The following ZNF385A variants were observed in gnomAD, a reference collection of about 807,000 sequenced individuals.
ZNF385A encodes zinc finger protein 385A.
A neutral mutation model predicts 32.1 loss-of-function variants in ZNF385A; 14 were observed. The ratio of observed to expected loss-of-function variants is 0.44; its 90% CI spans 0.29 to 0.68. The LOEUF is 0.68. Among genes scored for constraint, ZNF385A ranks in the 30% least tolerant of loss-of-function variants. The pLI is 0.14. For missense variants in ZNF385A, 406 were observed against 478.4 expected (o/e 0.85, Z 1.41); for synonymous variants, 197 against 202.7 (o/e 0.97, Z 0.24).
upstream of ZNF385A, chr12:54,384,851 G>T: frequency 8.6e-7 from 1 of 1,162,968 alleles, no homozygotes; most frequent in Non-Finnish European, 1.1e-6. Context: ...CCCAGTAAGA[G>T]CTCATACCTT....
chr12:54,370,049 G>C lies in ZNF385A; in HGVS notation c.*207C>G. On this transcript the variant is annotated 3_prime_UTR_variant, in exon 7 of 7. Coordinates refer to ENST00000394313, the MANE Select transcript of ZNF385A (RefSeq NM_015481.3). This position sits in a 1 kb window ranked among gnomAD's most constrained non-coding sequence, Gnocchi z 5.5. Reference sequence around the variant, plus strand: ...GGGGAGAGGGAAAGGCAGGGGGCGGGGTTCCCTGAGATCTGGGGTGTTCCC... The same window carrying C: ...GGGGAGAGGGAAAGGCAGGGGGCGGCGTTCCCTGAGATCTGGGGTGTTCCC... 9.2e-6 allele frequency: 4 copies of C among 433,178 alleles called. No homozygotes were observed. Among genetic ancestry groups the C allele is most frequent in the Non-Finnish European group, 1.6e-5 (4 of 245,936 alleles). The allele number at this position is 433,178 out of a possible 1,614,324, so 26.8% of individuals were successfully genotyped here.
intron 1 of ZNF385A, among the ~76,000 whole-genome samples, chr12:54,380,677 C>T (rs915832697): frequency 1.3e-5 from 2 of 152,190 alleles, no homozygotes; most frequent in African/African-American, 2.4e-5. Flanking sequence ...TAATTCTGCA[C>T]GTTCCCGAAG....
chr12:54,371,138 A>G lies in ZNF385A; in HGVS notation c.605-42T>C, dbSNP rs539706815. 9.1e-6 allele frequency: 14 copies of G among 1,543,430 alleles called. No individual in the cohort carries two copies. The African/African-American group carries it at 1.5e-4, about 17-fold the overall frequency. On this transcript the variant is annotated intron_variant, in intron 4 of 6. Transcript: ENST00000394313. ...GCAGGAGGTAAGGGGTGGAAGAAAA[A>G]TTATCCAGGCCTACTGGGCCTCAGA...
intron 1 of ZNF385A, among the ~76,000 whole-genome samples, chr12:54,390,641 T>C (rs1955612508): frequency 6.8e-6 from 1 of 147,474 alleles, no homozygotes; most frequent in African/African-American, 2.5e-5. Flanking sequence ...CCCCCTATTT[T>C]CCCCACCCCC....
At position 54,371,561 on chromosome 12, in the gene ZNF385A, T is replaced by C. The variant is rs1480941854; in HGVS notation, c.516A>G (p.Glu172=). Residue 172 remains glutamate, a synonymous_variant, in exon 4 of 7, where the codon GAA becomes GAG. Transcript: ENST00000394313. ...APASLPGGSK[E]EEEKAKRLLY... is the part of the protein sequence containing the mutation. ...GCAGCCGCTTGGCTTTCTCCTCCTC[T>C]TCCTTGCTACCCCCAGGCAAGGAAG... 1 of 1,613,616 alleles carries C rather than the reference T, an allele frequency of 6.2e-7. No homozygotes were observed. Among genetic ancestry groups the C allele is most frequent in the Non-Finnish European group, 8.5e-7 (1 of 1,179,844 alleles).
intron 1 of ZNF385A, among the ~76,000 whole-genome samples, chr12:54,380,440 G>A (rs983017862): frequency 1.4e-4 from 21 of 152,278 alleles, no homozygotes; most frequent in African/African-American, 5.1e-4. Context: ...TTAAACCTGG[G>A]CAGTCTGACT....
At chr12:54,380,182 TG>T (rs1408165432) in intron 1 of ZNF385A, among the ~76,000 whole-genome samples, 5 of 152,184 alleles carry the variant, frequency 3.3e-5, no homozygotes, top group Non-Finnish European at 7.4e-5. Context: ...GCCAGTCCAC[TG>T]GGAAAGAGAG....
At chr12:54,384,145 C>G (rs1019118831) in intron 1 of ZNF385A, among the ~76,000 whole-genome samples, 3 of 152,192 alleles carry the variant, frequency 2.0e-5, no homozygotes, top group Non-Finnish European at 4.4e-5. Flanking sequence ...CATTACTTCT[C>G]TAGATGGTAG....
Position 54,373,970 on chromosome 12 carries a change from C to T in ZNF385A, c.361+3G>A, listed in dbSNP as rs199558604. 5.3e-6 allele frequency: 8 copies of T among 1,514,570 alleles called. No individual in the cohort carries two copies. In the South Asian group the frequency reaches 1.0e-4, roughly 19 times the overall value. The allele number at this position is 1,514,570 out of a possible 1,614,324, so 93.8% of individuals were successfully genotyped here. ...TGAAGAATATGCGGGGATTCAGACA[C>T]ACCTGGACGGGGTGCTACACCATCC... is the stretch of plus-strand genomic sequence containing the variant. On this transcript the variant is annotated splice_donor_region_variant and intron_variant, in intron 3 of 6. Coordinates refer to ENST00000394313, the MANE Select transcript of ZNF385A (RefSeq NM_015481.3).
At chr12:54,388,167 C>T (rs1955545020), upstream of ZNF385A, among the ~76,000 whole-genome samples, 1 of 151,966 alleles carries the variant, frequency 6.6e-6, no homozygotes, top group African/African-American at 2.4e-5. Flanking sequence ...GAGTAATTAC[C>T]TCCAGCAGAT....
At chr12:54,385,127 AG>A (rs1216255957), upstream of ZNF385A, 3 of 156,660 alleles carry the variant, frequency 1.9e-5, no homozygotes, top group African/African-American at 7.2e-5. Flanking sequence ...CTGTGGGGGT[AG>A]GTAGTGGGTT....
At position 54,371,681 on chromosome 12, in the gene ZNF385A, T is replaced by A. The variant is rs1954560701; in HGVS notation, c.396A>T (p.Gly132=). The change falls in exon 4 of 7, where the codon GGA becomes GGT. Residue 132 remains glycine (G), a synonymous_variant. Transcript: ENST00000394313. The part of the protein sequence containing the change: ...SMENGLGPAP[G]SPEKQPGSPS... ...GGGAGCCAGGCTGTTTCTCTGGGGATCCTGGGGCTGGCCCCAGTCCATTCT... is the reference window on the plus strand; with the variant it reads ...GGGAGCCAGGCTGTTTCTCTGGGGAACCTGGGGCTGGCCCCAGTCCATTCT... The A allele has an allele frequency of 6.2e-7, 1 of 1,610,966 alleles. No homozygotes were observed. Among genetic ancestry groups the A allele is most frequent in the African/African-American group, 1.3e-5 (1 of 74,814 alleles).
intron 1 of ZNF385A, among the ~76,000 whole-genome samples, chr12:54,390,659 C>A (rs1397273356): frequency 6.7e-6 from 1 of 150,052 alleles, no homozygotes; most frequent in Non-Finnish European, 1.5e-5. Context: ...CCCTCTTCTC[C>A]CAAGCCCCTC....
At chr12:54,387,468 T>A (rs539688252), upstream of ZNF385A, among the ~76,000 whole-genome samples, 1 of 152,360 alleles carries the variant, frequency 6.6e-6, no homozygotes, top group South Asian at 2.1e-4. Context: ...TGGTTTCAGG[T>A]AGCCCAGGCC....
At chr12:54,382,841 T>A (rs866592739) in intron 1 of ZNF385A, among the ~76,000 whole-genome samples, 93 of 151,886 alleles carry the variant, frequency 6.1e-4, no homozygotes, top group African/African-American at 1.9e-3. Context: ...CCTTTTTTTT[T>A]TAAAAAAAAT....
chr12:54,376,145 G>T (rs569976098), intron 1 of ZNF385A, among the ~76,000 whole-genome samples, 191 bp from the exon 2 acceptor site: 10 of 152,262 alleles, frequency 6.6e-5, no homozygotes, highest in African/African-American at 2.4e-4. Flanking sequence ...GGACCTGATC[G>T]ATAACTGGCC....
chr12:54,373,560 T>C (rs1954673231), intron 3 of ZNF385A, among the ~76,000 whole-genome samples: 1 of 151,650 alleles, frequency 6.6e-6, no homozygotes, highest in Admixed American at 6.6e-5. Flanking sequence ...GTTTCCTGGG[T>C]TTCTTGCACT....
chr12:54,385,756 C>T (rs1279810737), upstream of ZNF385A: 3 of 763,608 alleles, frequency 3.9e-6, no homozygotes, highest in Non-Finnish European at 1.6e-6. Flanking sequence ...GTCCCCTTCC[C>T]TTGGTTCTGC....
Position 54,371,524 on chromosome 12 carries a change from G to C in ZNF385A, c.553C>G (p.Leu185Val). Reference protein sequence around the residue: ...EKAKRLLYCALCKVAVNSLSQ... With the variant: ...EKAKRLLYCAVCKVAVNSLSQ... ...AGGGAGTTCACAGCCACCTTGCACA[G>C]AGCACAGTAGAGCAGCCGCTTGGCT... The change falls in exon 4 of 7, where the codon CTG becomes GTG. Residue 185 changes from leucine to valine, a missense_variant. Leu to Val is a conservative substitution (Grantham distance 32). Transcript: ENST00000394313. The C allele has an allele frequency of 6.2e-7, 1 of 1,613,384 alleles. No homozygotes were observed.
Sources: allele counts gnomAD v4.1 joint callset (sites outside exome capture counted in the v4.1 genomes callset), GRCh38; gene constraint gnomAD v4.1.1; non-coding constraint Gnocchi (gnomAD v3.1); transcripts MANE v1.5; gene names NCBI Gene and HGNC (gene_info 2026-07-23, HGNC 2026-07-21).